PHKB: variants seen among roughly 807,000 people sequenced by gnomAD.
The protein encoded by PHKB is phosphorylase kinase regulatory subunit beta.
Under a neutral mutation model 152.1 loss-of-function variants are expected in PHKB, and 122 were observed. The observed-to-expected ratio is 0.80, with a 90% confidence interval of 0.69 to 0.93. The LOEUF is 0.93. Among genes scored for constraint, PHKB ranks in the 40% least tolerant of loss-of-function variants. The pLI, the probability that PHKB is intolerant of heterozygous loss-of-function variation, is 0.00. For synonymous variants in PHKB, 436 were observed against 464.9 expected (o/e 0.94, Z 0.80); for missense variants, 1,304 against 1,328.4 (o/e 0.98, Z 0.29).
intron 16 of PHKB, among the ~76,000 whole-genome samples, chr16:47,648,033 G>A (rs1973165715): frequency 1.3e-5 from 2 of 152,138 alleles, no homozygotes; most frequent in South Asian, 4.1e-4. Context: ...TGTTGCAAAA[G>A]GGATTGTGAA....
At chr16:47,470,675 C>G (rs1969749984) in intron 1 of PHKB, among the ~76,000 whole-genome samples, 2 of 152,088 alleles carry the variant, frequency 1.3e-5, no homozygotes, top group Admixed American at 1.3e-4. Context: ...CTGGCAGACC[C>G]TATTACCCAG....
intron 6 of PHKB, among the ~76,000 whole-genome samples, chr16:47,543,431 A>C (rs548614122): frequency 6.6e-6 from 1 of 152,166 alleles, no homozygotes; most frequent in South Asian, 2.1e-4. Flanking sequence ...TTTTGCATCG[A>C]TGTTCTTCAG....
intron 1 of PHKB, among the ~76,000 whole-genome samples, chr16:47,468,921 G>C (rs1969716895): frequency 6.6e-6 from 1 of 152,120 alleles, no homozygotes; most frequent in African/African-American, 2.4e-5. Flanking sequence ...GTTCCTTCTG[G>C]TTGAGTTTTA....
rs1974234564 is a variant in PHKB at position 47,700,752 on chromosome 16, G to C, written c.*1386G>C. The C allele has an allele frequency of 6.6e-6, 1 of 152,144 alleles. No individual in the cohort carries two copies. The highest frequency in any genetic ancestry group is 2.4e-5 in the African/African-American group (1 of 41,434). 9.4% of individuals were successfully genotyped at this position (152,144 alleles called of 1,614,324 possible). A position where few individuals can be genotyped will look rare whatever the true frequency, so the allele number is the denominator to read the frequency against. On this transcript the variant is annotated 3_prime_UTR_variant, in exon 31 of 31. Transcript: ENST00000323584. Reference sequence around the variant, plus strand: ...ATCTTACTGGAGTTTCACCTGAGAAGATAGATTTGTCACATAAAAAATGCA... The same window carrying C: ...ATCTTACTGGAGTTTCACCTGAGAACATAGATTTGTCACATAAAAAATGCA...
intron 10 of PHKB, among the ~76,000 whole-genome samples, chr16:47,591,190 A>G (rs936237657): frequency 2.0e-5 from 3 of 151,976 alleles, no homozygotes; most frequent in Non-Finnish European, 4.4e-5. Context: ...TTTCGTCATT[A>G]AGCACATTGA....
At chr16:47,500,741 CTTTA>C (rs1222347334) in intron 3 of PHKB, among the ~76,000 whole-genome samples, 6 of 151,808 alleles carry the variant, frequency 4.0e-5, no homozygotes, top group Admixed American at 1.3e-4. Flanking sequence ...AAAATTTCTC[CTTTA>C]TTTATTTCAT....
At chr16:47,676,338 TCTTA>T (rs1973732108) in intron 26 of PHKB, 1 of 152,216 alleles carries the variant, frequency 6.6e-6, no homozygotes, top group South Asian at 2.1e-4. Context: ...TCAGACTCAT[TCTTA>T]CTTGGCTTTT....
intron 11 of PHKB, 141 bp from the exon 12 acceptor site, chr16:47,593,996 T>G: frequency 1.6e-6 from 1 of 612,158 alleles, no homozygotes; most frequent in Non-Finnish European, 2.9e-6. Context: ...AGATTTGCAT[T>G]TTTTTTCCAC....
intron 13 of PHKB, among the ~76,000 whole-genome samples, chr16:47,608,809 A>T (rs1481559962): frequency 6.6e-6 from 1 of 152,150 alleles, no homozygotes; most frequent in Non-Finnish European, 1.5e-5. Context: ...TCTGTATTCT[A>T]TTTCTGTCTC....
chr16:47,675,712 T>C (rs1410827824), intron 26 of PHKB: 1 of 152,156 alleles, frequency 6.6e-6, no homozygotes, highest in African/African-American at 2.4e-5. Flanking sequence ...AAACTCCATC[T>C]CAGAATCCCA....
At chr16:47,494,257 A>G (rs1215991251) in intron 1 of PHKB, among the ~76,000 whole-genome samples, 1 of 152,260 alleles carries the variant, frequency 6.6e-6, no homozygotes, top group East Asian at 1.9e-4. Context: ...ATTCAAGCCT[A>G]AATCTATGTG....
At chr16:47,536,426 T>C (rs972334265) in intron 6 of PHKB, among the ~76,000 whole-genome samples, 1 of 152,206 alleles carries the variant, frequency 6.6e-6, no homozygotes, top group African/African-American at 2.4e-5. Flanking sequence ...CATAGTATTA[T>C]TTGTGTGAGA....
chr16:47,484,641 C>T (rs1325684467), intron 1 of PHKB, among the ~76,000 whole-genome samples: 2 of 152,100 alleles, frequency 1.3e-5, no homozygotes, highest in South Asian at 2.1e-4. Context: ...TCACAGAGCC[C>T]TGTTTTCAAA....
intron 6 of PHKB, among the ~76,000 whole-genome samples, chr16:47,545,641 C>T (rs990534681): frequency 1.3e-5 from 2 of 152,078 alleles, no homozygotes; most frequent in Admixed American, 1.3e-4. Flanking sequence ...TGTTGGCCTC[C>T]CTTGCTAGGT....
At position 47,664,906 on chromosome 16, in the gene PHKB, T is replaced by C; in HGVS notation, c.2358T>C (p.Ala786=). The C allele has an allele frequency of 6.2e-7, 1 of 1,613,746 alleles. No homozygotes were observed. Among genetic ancestry groups the C allele is most frequent in the Non-Finnish European group, 8.5e-7 (1 of 1,179,722 alleles). Reference sequence around the variant, plus strand: ...CCAGGTTGGCGGTGCGCTACGGGGCTGCATTTACCCAGAAATTTTCTTCCT... The same window carrying C: ...CCAGGTTGGCGGTGCGCTACGGGGCCGCATTTACCCAGAAATTTTCTTCCT... ...QKLWLAVRYG[A]AFTQKFSSSI... is the part of the protein sequence containing the mutation. The change falls in exon 25 of 31, where the codon GCT becomes GCC. Residue 786 remains alanine (A), a synonymous_variant. Coordinates refer to ENST00000323584, the MANE Select transcript of PHKB (RefSeq NM_000293.3).
chr16:47,686,789 T>C (rs1375385237), intron 26 of PHKB, among the ~76,000 whole-genome samples: 1 of 152,210 alleles, frequency 6.6e-6, no homozygotes, highest in African/African-American at 2.4e-5. Context: ...ATCCCAGACA[T>C]TTAACTTTTA....
chr16:47,663,579 A>C, intron 23 of PHKB, 98 bp from the exon 24 acceptor site: 2 of 913,374 alleles, frequency 2.2e-6, no homozygotes, highest in Admixed American at 3.9e-5. Context: ...TATCAACTCT[A>C]GTGAAGCACA....
chr16:47,559,417 A>G (rs1287355845), intron 7 of PHKB, among the ~76,000 whole-genome samples: 1 of 152,212 alleles, frequency 6.6e-6, no homozygotes, highest in African/African-American at 2.4e-5. Flanking sequence ...AAAAACAACA[A>G]CAATCTTTTA....
At chr16:47,565,638 G>A in intron 7 of PHKB, 1 of 1,130,798 alleles carries the variant, frequency 8.8e-7, no homozygotes, top group Non-Finnish European at 1.3e-6. Context: ...CCCGGTCTGT[G>A]ATGACTCACT....
Sources: gnomAD v4.1 joint callset for allele counts (sites outside exome capture counted in the v4.1 genomes callset) on GRCh38, gnomAD v4.1.1 for gene constraint, MANE v1.5 for transcripts, NCBI Gene and HGNC (gene_info 2026-07-23, HGNC 2026-07-21) for gene names.